The following SGCD variants were observed in gnomAD, a reference collection of about 807,000 sequenced individuals.
SGCD encodes the protein delta-sarcoglycan.
SGCD carries 18 observed loss-of-function variants against 36.6 expected under a neutral mutation model. The ratio of observed to expected loss-of-function variants is 0.49; its 90% confidence interval spans 0.34 to 0.73. SGCD has a LOEUF of 0.73. SGCD is among the 30% of genes least tolerant of loss of function. The pLI, the probability that SGCD is intolerant of heterozygous loss-of-function variation, is 0.01. For synonymous variants in SGCD, 133 were observed against 130.6 expected, an observed-to-expected ratio of 1.02 and a Z score of -0.12; for missense variants, 387 against 346.7, an observed-to-expected ratio of 1.12 and a Z score of -0.92.
At chr5:155,774,484 C>T in the SGCD span, among the ~76,000 whole-genome samples, 33 of 152,206 alleles carry the variant, frequency 2.2e-4, no homozygotes, top group East Asian at 5.4e-3. Context: ...GTCAGAAGTC[C>T]GAAATCCATT....
chr5:156,393,971 C>T (rs1771719348), intron 3 of SGCD: 1 of 365,424 alleles, frequency 2.7e-6, no homozygotes, highest in African/African-American at 2.1e-5. Flanking sequence ...ACATTCTAAG[C>T]AGTAAAAGAC....
intron 3 of SGCD, among the ~76,000 whole-genome samples, chr5:156,373,391 G>A (rs1770492642): frequency 6.6e-6 from 1 of 152,152 alleles, no homozygotes; most frequent in Admixed American, 6.5e-5. Context: ...GATTTGGTAA[G>A]CGTTACCTTT....
intron 3 of SGCD, among the ~76,000 whole-genome samples, chr5:156,352,097 A>G (rs1022655931): frequency 6.6e-6 from 1 of 152,210 alleles, no homozygotes; most frequent in African/African-American, 2.4e-5. Context: ...TTGCTAGTGC[A>G]TTCTACCAGC....
chr5:156,136,083 A>G (rs1762449295), intron 3 of SGCD, among the ~76,000 whole-genome samples: 1 of 152,180 alleles, frequency 6.6e-6, no homozygotes, highest in Non-Finnish European at 1.5e-5. Flanking sequence ...TTTTTCTTCC[A>G]ATACATTACC....
intron 4 of SGCD, among the ~76,000 whole-genome samples, chr5:156,535,458 T>G (rs1187970035): frequency 4.6e-5 from 7 of 152,236 alleles, no homozygotes; most frequent in Non-Finnish European, 1.0e-4. Flanking sequence ...TCAATGAGAT[T>G]CCATGTTGAA....
At chr5:155,818,520 ATACT>A in the SGCD span, among the ~76,000 whole-genome samples, 1 of 151,828 alleles carries the variant, frequency 6.6e-6, no homozygotes, top group African/African-American at 2.4e-5. Context: ...GGAAATGGAG[ATACT>A]TTATTTATGT....
chr5:156,079,618 C>T lies in SGCD; in HGVS notation c.-281-38260C>T, dbSNP rs114030270. On this transcript the variant is annotated intron_variant, in intron 1 of 9. Coordinates refer to the SGCD transcript ENST00000517913. ...AGCCAAAAGAAAGGGGCTACAGGCT[C>T]CATGAGAGTTCAAAACCGGGGATGG... Among the ~76,000 whole-genome samples the T allele has an allele frequency of 9.9e-3, 1,512 of 152,286 alleles. 39 individuals carry two copies. Among genetic ancestry groups the T allele is most frequent in the African/African-American group, 0.035 (1,461 of 41,546 alleles).
At chr5:156,201,047 G>A (rs868572742) in intron 3 of SGCD, among the ~76,000 whole-genome samples, 1 of 152,136 alleles carries the variant, frequency 6.6e-6, no homozygotes, top group African/African-American at 2.4e-5. Context: ...ATCTAAAATA[G>A]TCAGAATCAT....
At chr5:156,191,642 G>A (rs531019060) in intron 3 of SGCD, among the ~76,000 whole-genome samples, 11 of 152,224 alleles carry the variant, frequency 7.2e-5, no homozygotes, top group Admixed American at 2.6e-4. Context: ...GATGTGGGTC[G>A]TGTCTCTTTT....
chr5:156,743,715 C>G (rs1328966149), intron 7 of SGCD, among the ~76,000 whole-genome samples: 1 of 152,186 alleles, frequency 6.6e-6, no homozygotes, highest in East Asian at 1.9e-4. Context: ...ATGAGACTAT[C>G]CAATACATTT....
chr5:156,375,078 T>G (rs924971727), intron 3 of SGCD, among the ~76,000 whole-genome samples: 1 of 152,142 alleles, frequency 6.6e-6, no homozygotes, highest in Non-Finnish European at 1.5e-5. Flanking sequence ...TTTTCCAAGA[T>G]TCACCAGTTA....
intron 7 of SGCD, among the ~76,000 whole-genome samples, chr5:156,728,666 A>G (rs568896214): frequency 6.6e-6 from 1 of 152,014 alleles, no homozygotes; most frequent in African/African-American, 2.4e-5. Context: ...ATAATTATTT[A>G]TTTCTTAGCC....
At chr5:156,211,321 G>A (rs1764435292) in intron 3 of SGCD, among the ~76,000 whole-genome samples, 1 of 152,028 alleles carries the variant, frequency 6.6e-6, no homozygotes, top group Admixed American at 6.6e-5. Context: ...CCTTAAAGAT[G>A]CAAGGGCCAG....
At chr5:156,359,663 A>G (rs1023583203) in intron 3 of SGCD, among the ~76,000 whole-genome samples, 2 of 152,166 alleles carry the variant, frequency 1.3e-5, no homozygotes, top group Admixed American at 6.5e-5. Context: ...TGCTTGTGGT[A>G]TTATTAAGAT....
the SGCD span, among the ~76,000 whole-genome samples, chr5:155,810,848 T>C: frequency 5.2e-5 from 6 of 114,392 alleles, no homozygotes; most frequent in Middle Eastern, 4.9e-3. Context: ...GACGGAGTCT[T>C]GCTCTGTCGC....
chr5:156,537,206 A>T (rs1364962035), intron 4 of SGCD, among the ~76,000 whole-genome samples: 1 of 152,056 alleles, frequency 6.6e-6, no homozygotes, highest in Non-Finnish European at 1.5e-5. Flanking sequence ...GGAGGATTTC[A>T]GATGTCTCCA....
intron 7 of SGCD, among the ~76,000 whole-genome samples, chr5:156,730,106 C>T (rs944896817): frequency 1.3e-5 from 2 of 152,150 alleles, no homozygotes; most frequent in Admixed American, 1.3e-4. Context: ...AGACAATATA[C>T]ACATTTATTA....
intron 6 of SGCD, among the ~76,000 whole-genome samples, chr5:156,626,216 C>A (rs1267954617): frequency 6.6e-6 from 1 of 152,146 alleles, no homozygotes; most frequent in Non-Finnish European, 1.5e-5. Flanking sequence ...GACTGCAGCG[C>A]CCCTGTAAAT....
At chr5:156,153,431 C>A (rs1456208902) in intron 3 of SGCD, among the ~76,000 whole-genome samples, 1 of 151,516 alleles carries the variant, frequency 6.6e-6, no homozygotes, top group African/African-American at 2.4e-5. Context: ...ATCGGATCTT[C>A]AAGAAAATAA....
Sources: allele counts gnomAD v4.1 joint callset (sites outside exome capture counted in the v4.1 genomes callset), GRCh38; gene constraint gnomAD v4.1.1; transcripts MANE v1.5; gene names NCBI Gene and HGNC (gene_info 2026-07-23, HGNC 2026-07-21).